UBA2: variants seen among roughly 807,000 people sequenced by gnomAD.
UBA2 encodes the protein ubiquitin like modifier activating enzyme 2, also known as SUMO-activating enzyme subunit 2.
Under a neutral mutation model 77.2 loss-of-function variants are expected in UBA2, and 11 were observed. The ratio of observed to expected loss-of-function variants is 0.14; its 90% CI spans 0.09 to 0.24. The LOEUF is 0.24. Ranked by LOEUF, UBA2 falls within the 10% of genes least tolerant of loss-of-function variation. UBA2 has a pLI of 1.00. For missense variants in UBA2, 487 were observed against 781.7 expected (o/e 0.62, Z 4.50); for synonymous variants, 278 against 276.7 (o/e 1.00, Z -0.05).
Position 34,458,807 on chromosome 19 carries a change from T to G in UBA2, c.1284T>G (p.Leu428=). 6.2e-7 allele frequency: 1 copy of G among 1,613,104 alleles called. No homozygotes were observed. The highest frequency in any genetic ancestry group is 8.5e-7 in the Non-Finnish European group (1 of 1,179,754). Residue 428 remains leucine, a synonymous_variant, in exon 13 of 17, where the codon CTT becomes CTG. Transcript: ENST00000246548. ...AACAACCAAACCCAAGAAAGAAGCT[T>G]CTTGTGCCTTGTGCACTGGATCCTC... ...LNKQPNPRKK[L]LVPCALDPPN...
chr19:34,429,048 G>A lies in UBA2; in HGVS notation c.138+478G>A, dbSNP rs367907859. On this transcript the variant is annotated intron_variant, in intron 1 of 16. Coordinates refer to ENST00000246548, the MANE Select transcript of UBA2 (RefSeq NM_005499.3). ...GCTGGTCACGAGCGGGTTTACACACGGAACGCGCACCATCTTCATACCACC... is the reference window on the plus strand; with the variant it reads ...GCTGGTCACGAGCGGGTTTACACACAGAACGCGCACCATCTTCATACCACC... 2.7e-4 allele frequency: 265 copies of A among 985,366 alleles called. 1 individual carries two copies. The South Asian group carries it at 0.012, about 43-fold the overall frequency. 61.0% of individuals were successfully genotyped at this position (985,366 alleles called of 1,614,324 possible). A position where few individuals can be genotyped will look rare whatever the true frequency, so the allele number is the denominator to read the frequency against.
intron 5 of UBA2, among the ~76,000 whole-genome samples, chr19:34,438,003 A>T (rs1273936275): frequency 1.3e-5 from 2 of 152,278 alleles, no homozygotes; most frequent in East Asian, 3.9e-4. Context: ...TGCAGCCAAG[A>T]TTATGCCACT....
intron 12 of UBA2, 38 bp downstream of exon 12, chr19:34,454,594 T>TA (rs750574266): frequency 2.7e-5 from 28 of 1,034,230 alleles, no homozygotes; most frequent in Non-Finnish European, 1.8e-5. Context: ...CAACCCCCCT[T>TA]AAAAAAATCA....
chr19:34,458,558 CAAAAAAAAAAAAAA>C (rs60349858), intron 12 of UBA2, among the ~76,000 whole-genome samples, 197 bp from the exon 13 acceptor site: 78 of 60,642 alleles, frequency 1.3e-3, no homozygotes, highest in Non-Finnish European at 1.7e-3. Flanking sequence ...GACTCCGTCT[CAAAAAAAAAAAAAA>C]AAAAAAAAAA....
chr19:34,429,344 A>T (rs1599882517), intron 1 of UBA2: 1 of 716,612 alleles, frequency 1.4e-6, no homozygotes, highest in African/African-American at 1.9e-5. Context: ...GAGATTGGAG[A>T]TGTTACTGGC....
chr19:34,454,539 A>G lies in UBA2; in HGVS notation c.1228A>G (p.Ile410Val). ...AGGATTGAAGATTTTATCAGGAAAA[A>G]TAGACCAGTGCAGAACAGTGAGTAT... is the stretch of plus-strand genomic sequence containing the variant. ...LEGLKILSGK[I>V]DQCRTIFLNK... The change falls in exon 12 of 17, where the codon ATA becomes GTA. Residue 410 changes from isoleucine (I) to valine (V), a missense_variant. Transcript: ENST00000246548. 6.3e-7 allele frequency: 1 copy of G among 1,596,110 alleles called. No individual in the cohort carries two copies. The highest frequency in any genetic ancestry group is 8.6e-7 in the Non-Finnish European group (1 of 1,167,084).
chr19:34,454,809 G>A (rs2075540608), intron 12 of UBA2, among the ~76,000 whole-genome samples: 1 of 152,130 alleles, frequency 6.6e-6, no homozygotes, highest in African/African-American at 2.4e-5. Context: ...TCATTGTGCG[G>A]TCCTTATACT....
intron 1 of UBA2, among the ~76,000 whole-genome samples, chr19:34,429,874 A>T (rs1038017921): frequency 1.3e-5 from 2 of 152,072 alleles, no homozygotes; most frequent in Non-Finnish European, 2.9e-5. Flanking sequence ...GTTAAATTTA[A>T]TATTTTGTAC....
At chr19:34,446,514 G>C (rs905587026) in intron 8 of UBA2, among the ~76,000 whole-genome samples, 1 of 151,584 alleles carries the variant, frequency 6.6e-6, no homozygotes, top group Non-Finnish European at 1.5e-5. Flanking sequence ...CACAGGTTCT[G>C]CTGTCTTAAT....
intron 12 of UBA2, among the ~76,000 whole-genome samples, chr19:34,456,567 CT>C (rs1245795362): frequency 6.6e-6 from 1 of 151,410 alleles, no homozygotes; most frequent in East Asian, 2.0e-4. Flanking sequence ...TTTTTGGTAT[CT>C]TTTTTTTGAG....
At chr19:34,466,206 C>T (rs567182743) in intron 15 of UBA2, among the ~76,000 whole-genome samples, 32 of 151,912 alleles carry the variant, frequency 2.1e-4, no homozygotes, top group African/African-American at 4.6e-4. Flanking sequence ...TGTGGTGGCG[C>T]GCCTATAGTC....
intron 2 of UBA2, 75 bp downstream of exon 2, chr19:34,430,734 CAT>C (rs2075243710): frequency 1.7e-6 from 2 of 1,174,858 alleles, no homozygotes; most frequent in Admixed American, 1.8e-5. Flanking sequence ...TCCTGCCTGT[CAT>C]ATAGGAGGGA....
Position 34,454,132 on chromosome 19 carries a change from C to T in UBA2, c.1039-128C>T, listed in dbSNP as rs115846432. ...GAGGTCCTAGCTGACTGGTCTTTCC[C>T]TCAGCAACCTCTTGTTCTAGTCGAA... On this transcript the variant is annotated intron_variant, in intron 10 of 16. Transcript: ENST00000246548. The T allele has an allele frequency of 9.3e-4, 795 of 853,474 alleles. 9 individuals are homozygous for T. The African/African-American group carries it at 0.012, about 13-fold the overall frequency. 52.9% of individuals were successfully genotyped at this position (853,474 alleles called of 1,614,324 possible). A position where few individuals can be genotyped will look rare whatever the true frequency, so the allele number is the denominator to read the frequency against.
rs113867910 is a variant in UBA2, at chr19:34,429,215, CAGT to C, written c.138+648_138+650del. On this transcript the variant is annotated intron_variant, in intron 1 of 16. Coordinates refer to ENST00000246548, the MANE Select transcript of UBA2 (RefSeq NM_005499.3). ...GGCTGCGTGACTGTCATTGCTCTCA[CAGT>C]AGACGGTACACTCGCTTGTTTCATT... is the stretch of plus-strand genomic sequence containing the variant. The C allele has an allele frequency of 1.8e-3, 1,773 of 985,416 alleles. 18 individuals are homozygous for C. In the African/African-American group the frequency reaches 0.028, roughly 16 times the overall value. The allele number at this position is 985,416 out of a possible 1,614,324, so 61.0% of individuals were successfully genotyped here.
At chr19:34,463,171 A>AG (rs2145565982) in intron 14 of UBA2, among the ~76,000 whole-genome samples, 1 of 151,914 alleles carries the variant, frequency 6.6e-6, no homozygotes, top group Non-Finnish European at 1.5e-5. Context: ...CTGGAGGCTG[A>AG]GGTAGGAAGA....
At chr19:34,443,968 T>TTTAA in intron 7 of UBA2, 57 bp downstream of exon 7, 1 of 1,314,552 alleles carries the variant, frequency 7.6e-7, no homozygotes, top group Non-Finnish European at 1.1e-6. Flanking sequence ...ATTTTGTTGA[T>TTTAA]TTAATTTTGG....
At chr19:34,437,313 A>G (rs1365602984) in intron 5 of UBA2, among the ~76,000 whole-genome samples, 1 of 150,648 alleles carries the variant, frequency 6.6e-6, no homozygotes, top group Non-Finnish European at 1.5e-5. Context: ...ACCACTGTGT[A>G]TTAAGACTGA....
chr19:34,448,274 T>C (rs1440131749), intron 8 of UBA2, among the ~76,000 whole-genome samples: 1 of 151,976 alleles, frequency 6.6e-6, no homozygotes, highest in East Asian at 1.9e-4. Context: ...GGACTTTGCA[T>C]GTATATGGTG....
At chr19:34,435,765 G>T (rs1249154308) in intron 5 of UBA2, among the ~76,000 whole-genome samples, 2 of 151,696 alleles carry the variant, frequency 1.3e-5, no homozygotes, top group East Asian at 1.9e-4. Flanking sequence ...CGGAGGTGGA[G>T]GTTACAGTGA....
Sources: allele counts gnomAD v4.1 joint callset (sites outside exome capture counted in the v4.1 genomes callset), GRCh38; gene constraint gnomAD v4.1.1; transcripts MANE v1.5; gene names NCBI Gene and HGNC (gene_info 2026-07-23, HGNC 2026-07-21).